Variants in MMP16 observed in about 807,000 individuals in gnomAD.
MMP16 encodes matrix metallopeptidase 16, also known as matrix metalloproteinase-16.
A neutral mutation model predicts 67.8 loss-of-function variants in MMP16; 12 were observed. That is an observed-to-expected ratio of 0.18 (90% confidence interval 0.11 to 0.29). The LOEUF (loss-of-function observed/expected upper bound fraction) is 0.29, where lower values mean the gene tolerates loss of function less well. Ranked by LOEUF, MMP16 falls within the 10% of genes least tolerant of loss-of-function variation. The pLI is 1.00. For synonymous variants in MMP16, 249 were observed against 255.9 expected, an observed-to-expected ratio of 0.97 and a Z score of 0.26; for missense variants, 475 against 765.7, an observed-to-expected ratio of 0.62 and a Z score of 4.48.
chr8:88,311,265 T>C (rs1024762976), intron 1 of MMP16, among the ~76,000 whole-genome samples: 11 of 151,968 alleles, frequency 7.2e-5, no homozygotes, highest in Non-Finnish European at 1.3e-4. Flanking sequence ...ATCCAGGAGG[T>C]AAAAGGGGAA....
intron 4 of MMP16, among the ~76,000 whole-genome samples, chr8:88,147,777 T>TTG (rs55829907): frequency 0.27 from 40,238 of 149,132 alleles, 6,337 homozygotes; most frequent in Non-Finnish European, 0.37. Flanking sequence ...AAATATGTGT[T>TTG]TGTGTGTGTG....
At chr8:88,248,842 T>C (rs1295329841) in intron 1 of MMP16, among the ~76,000 whole-genome samples, 1 of 151,966 alleles carries the variant, frequency 6.6e-6, no homozygotes, top group Non-Finnish European at 1.5e-5. Flanking sequence ...AGATATTTAC[T>C]GTGTTTCCCA....
intron 5 of MMP16, among the ~76,000 whole-genome samples, chr8:88,118,271 C>T (rs1331314199): frequency 6.6e-6 from 1 of 151,954 alleles, no homozygotes; most frequent in African/African-American, 2.4e-5. Flanking sequence ...CTAGGAAATA[C>T]CTAACATCAA....
intron 4 of MMP16, among the ~76,000 whole-genome samples, chr8:88,139,856 T>C (rs1188104609): frequency 2.0e-5 from 3 of 152,162 alleles, no homozygotes; most frequent in Admixed American, 2.0e-4. Context: ...AATTCCTATT[T>C]TCCTAGGTAA....
chr8:88,158,349 C>G (rs921198852), intron 4 of MMP16, among the ~76,000 whole-genome samples: 1 of 152,076 alleles, frequency 6.6e-6, no homozygotes, highest in African/African-American at 2.4e-5. Context: ...TCCTGACTTT[C>G]TAATGATCGC....
intron 4 of MMP16, among the ~76,000 whole-genome samples, chr8:88,125,019 T>C (rs1807903433): frequency 6.6e-6 from 1 of 151,900 alleles, no homozygotes; most frequent in Admixed American, 6.6e-5. Flanking sequence ...CTCCAAATAC[T>C]ATCAGATTGG....
At position 88,100,213 on chromosome 8, in the gene MMP16, T is replaced by C. The variant is rs1809116261; in HGVS notation, c.1083+16294A>G. Among the ~76,000 whole-genome samples the C allele has an allele frequency of 6.6e-5, 10 of 152,056 alleles. No individual in the cohort carries two copies. The South Asian group carries it at 2.1e-3, about 32-fold the overall frequency. ...CCTAGGTTTTCTTCTAGGGTTTATA[T>C]AGCTTTAGGTCTAACATTTAAGTCT... is the stretch of plus-strand genomic sequence containing the variant. On this transcript the variant is annotated intron_variant, in intron 6 of 9. Transcript: ENST00000286614.
chr8:88,155,493 C>T (rs1206639154), intron 4 of MMP16, among the ~76,000 whole-genome samples: 1 of 151,946 alleles, frequency 6.6e-6, no homozygotes. Flanking sequence ...TTCTGAATTG[C>T]ACACTACTGT....
At chr8:88,116,407 G>C (rs1314448064) in intron 6 of MMP16, 100 bp downstream of exon 6, 2 of 1,009,562 alleles carry the variant, frequency 2.0e-6, no homozygotes, top group Admixed American at 2.6e-5. Flanking sequence ...AACTGTGAGA[G>C]GGCTGGGAAG....
intron 1 of MMP16, among the ~76,000 whole-genome samples, chr8:88,267,832 G>A (rs919705348): frequency 3.3e-5 from 5 of 152,106 alleles, no homozygotes; most frequent in African/African-American, 1.2e-4. Flanking sequence ...AATATACTTT[G>A]ATAAAGTCCT....
intron 8 of MMP16, among the ~76,000 whole-genome samples, chr8:88,049,660 T>C (rs2664373): frequency 0.8 from 121,003 of 152,146 alleles, 48,557 homozygotes; most frequent in African/African-American, 0.91. Context: ...AATGACATAT[T>C]TTAACAATAC....
chr8:88,136,690 TG>T (rs1471156891), intron 4 of MMP16, among the ~76,000 whole-genome samples: 1 of 151,686 alleles, frequency 6.6e-6, no homozygotes, highest in African/African-American at 2.4e-5. Context: ...TTAAATAAAA[TG>T]AATTCATATT....
intron 1 of MMP16, among the ~76,000 whole-genome samples, chr8:88,231,057 T>C (rs942571232): frequency 1.3e-5 from 2 of 152,210 alleles, no homozygotes; most frequent in Non-Finnish European, 2.9e-5. Context: ...GAATGGGCAA[T>C]ATATATGTCA....
chr8:88,226,805 A>G (rs1809776982), intron 1 of MMP16, among the ~76,000 whole-genome samples: 1 of 152,002 alleles, frequency 6.6e-6, no homozygotes, highest in South Asian at 2.1e-4. Context: ...CCTTCAACTC[A>G]GTCCCTGGTA....
intron 4 of MMP16, among the ~76,000 whole-genome samples, chr8:88,161,698 A>T (rs1156731356): frequency 6.6e-6 from 1 of 151,790 alleles, no homozygotes; most frequent in Non-Finnish European, 1.5e-5. Context: ...TAGTGCTATA[A>T]ATTTCCGTCT....
chr8:88,263,103 G>A (rs372122530), intron 1 of MMP16, among the ~76,000 whole-genome samples: 16 of 151,702 alleles, frequency 1.1e-4, no homozygotes, highest in Admixed American at 1.1e-3. Flanking sequence ...CACTATCATT[G>A]CCACCACATT....
At chr8:88,122,167 T>C (rs144246170) in intron 4 of MMP16, among the ~76,000 whole-genome samples, 2 of 152,220 alleles carry the variant, frequency 1.3e-5, no homozygotes, top group Admixed American at 6.6e-5. Context: ...ATCAAATATG[T>C]ATGTTTCAAT....
chr8:88,259,322 G>A (rs547847874), intron 1 of MMP16, among the ~76,000 whole-genome samples: 1 of 152,296 alleles, frequency 6.6e-6, no homozygotes, highest in Non-Finnish European at 1.5e-5. Context: ...CTCAAAGAGA[G>A]TATATTATGA....
chr8:88,063,965 T>C (rs1357033147), intron 7 of MMP16, among the ~76,000 whole-genome samples: 1 of 152,092 alleles, frequency 6.6e-6, no homozygotes, highest in Admixed American at 6.6e-5. Flanking sequence ...TTAAAAAAAA[T>C]CAACTGTATT....
Sources: allele counts gnomAD v4.1 joint callset (sites outside exome capture counted in the v4.1 genomes callset), GRCh38; gene constraint gnomAD v4.1.1; transcripts MANE v1.5; gene names NCBI Gene and HGNC (gene_info 2026-07-23, HGNC 2026-07-21).